Variants in TENM2 observed in about 807,000 individuals in gnomAD.
TENM2 encodes the protein teneurin-2.
Under a neutral mutation model 245.2 loss-of-function variants are expected in TENM2, and 52 were observed. The observed-to-expected ratio is 0.21, with a 90% CI of 0.17 to 0.27. TENM2 has a LOEUF of 0.27. TENM2 is among the 10% of genes least tolerant of loss of function. The pLI, the probability that TENM2 is intolerant of heterozygous loss-of-function variation, is 1.00. For missense variants in TENM2, 3,046 were observed against 3,666.8 expected (o/e 0.83, Z 4.37); for synonymous variants, 1,363 against 1,438.9 (o/e 0.95, Z 1.19).
At chr5:167,210,618 C>T in the TENM2 span, among the ~76,000 whole-genome samples, 6 of 151,616 alleles carry the variant, frequency 4.0e-5, no homozygotes, top group African/African-American at 1.5e-4. Context: ...CGCCCGCCAC[C>T]GCGCCCGGCT....
intron 2 of TENM2, among the ~76,000 whole-genome samples, chr5:167,828,435 T>C (rs1210072669): frequency 6.6e-6 from 1 of 152,214 alleles, no homozygotes; most frequent in Non-Finnish European, 1.5e-5. Flanking sequence ...TGTGTATTTT[T>C]AGTTATAATT....
At chr5:167,956,008 A>G (rs1780527092) in intron 4 of TENM2, among the ~76,000 whole-genome samples, 1 of 152,180 alleles carries the variant, frequency 6.6e-6, no homozygotes, top group South Asian at 2.1e-4. Flanking sequence ...TTCTGTGAAG[A>G]AAGTCAATGG....
At chr5:168,056,282 CTTTTT>C (rs962481700) in intron 6 of TENM2, among the ~76,000 whole-genome samples, 3 of 152,188 alleles carry the variant, frequency 2.0e-5, no homozygotes, top group African/African-American at 7.2e-5. Flanking sequence ...AACACCTTTT[CTTTTT>C]ATCTCTTTGG....
At chr5:167,252,899 C>T in the TENM2 span, among the ~76,000 whole-genome samples, 3 of 152,090 alleles carry the variant, frequency 2.0e-5, no homozygotes, top group African/African-American at 7.2e-5. Flanking sequence ...CAGCTGGATG[C>T]TTGACTCTGG....
intron 2 of TENM2, among the ~76,000 whole-genome samples, chr5:167,842,910 A>C (rs1468208021): frequency 6.6e-6 from 1 of 152,170 alleles, no homozygotes; most frequent in African/African-American, 2.4e-5. Context: ...TTAGAATTCA[A>C]CTGAAGGCTT....
the TENM2 span, among the ~76,000 whole-genome samples, chr5:167,050,493 C>A: frequency 6.6e-6 from 1 of 152,152 alleles, no homozygotes; most frequent in Non-Finnish European, 1.5e-5. Context: ...AGGCACTATG[C>A]CTTGAACAAC....
intron 12 of TENM2, among the ~76,000 whole-genome samples, chr5:168,137,045 G>T (rs975006767): frequency 3.3e-5 from 5 of 152,134 alleles, no homozygotes; most frequent in African/African-American, 1.2e-4. Context: ...ATTTAATCAT[G>T]CATGAGACCC....
chr5:167,327,177 C>T (rs192227308), intron 1 of TENM2, among the ~76,000 whole-genome samples: 3 of 152,100 alleles, frequency 2.0e-5, no homozygotes, highest in Non-Finnish European at 2.9e-5. Context: ...CCTCCCCGCT[C>T]CCCGCATCCC....
intron 23 of TENM2, among the ~76,000 whole-genome samples, chr5:168,223,522 C>A (rs1763860263): frequency 7.0e-6 from 1 of 143,344 alleles, no homozygotes; most frequent in Non-Finnish European, 1.5e-5. Flanking sequence ...GGCTGAAGTG[C>A]AGTGGCACAA....
At chr5:167,683,117 T>C (rs992632217) in intron 2 of TENM2, among the ~76,000 whole-genome samples, 11 of 152,336 alleles carry the variant, frequency 7.2e-5, no homozygotes, top group Non-Finnish European at 1.3e-4. Context: ...CCTGCACTAA[T>C]GGATAATAAT....
chr5:167,707,903 G>A (rs1292038460), intron 2 of TENM2, among the ~76,000 whole-genome samples: 2 of 152,194 alleles, frequency 1.3e-5, no homozygotes, highest in East Asian at 3.9e-4. Flanking sequence ...ATGGTGGCCA[G>A]AGGCATGTCA....
At chr5:167,171,410 A>T in the TENM2 span, among the ~76,000 whole-genome samples, 2 of 152,144 alleles carry the variant, frequency 1.3e-5, no homozygotes, top group Admixed American at 1.3e-4. Flanking sequence ...AATTACTTTT[A>T]TCAGGCAGGG....
At chr5:167,171,341 T>C in the TENM2 span, among the ~76,000 whole-genome samples, 1 of 152,206 alleles carries the variant, frequency 6.6e-6, no homozygotes, top group Non-Finnish European at 1.5e-5. Context: ...GTGAAGTCCT[T>C]CCTGACCTGC....
chr5:167,201,475 T>A, the TENM2 span, among the ~76,000 whole-genome samples: 1 of 152,058 alleles, frequency 6.6e-6, no homozygotes, highest in African/African-American at 2.4e-5. Flanking sequence ...TGGAGGAAAA[T>A]CACAGATCTT....
chr5:167,782,873 T>G (rs1198006890), intron 2 of TENM2, among the ~76,000 whole-genome samples: 2 of 152,172 alleles, frequency 1.3e-5, no homozygotes, highest in Non-Finnish European at 2.9e-5. Context: ...CAGGCAGCTG[T>G]CAGACTCCAT....
intron 2 of TENM2, among the ~76,000 whole-genome samples, chr5:167,618,139 T>G (rs1230819645): frequency 6.6e-6 from 1 of 152,144 alleles, no homozygotes; most frequent in Non-Finnish European, 1.5e-5. Flanking sequence ...ATGGTGATAA[T>G]AATGGTTATC....
At chr5:167,204,890 A>G in the TENM2 span, among the ~76,000 whole-genome samples, 1 of 152,220 alleles carries the variant, frequency 6.6e-6, no homozygotes, top group Admixed American at 6.5e-5. Flanking sequence ...TGCCCATCAA[A>G]GAGACTGGGT....
At chr5:167,286,570 C>T (rs1771365067) in intron 1 of TENM2, among the ~76,000 whole-genome samples, 1 of 152,146 alleles carries the variant, frequency 6.6e-6, no homozygotes, top group Non-Finnish European at 1.5e-5. Flanking sequence ...TGCACTAACA[C>T]GAGACTCAGA....
intron 2 of TENM2, among the ~76,000 whole-genome samples, chr5:167,530,460 G>T (rs915272406): frequency 2.0e-5 from 3 of 152,140 alleles, no homozygotes; most frequent in Non-Finnish European, 2.9e-5. Flanking sequence ...TTTAATCCTT[G>T]AGAAACTATG....
Sources: allele counts gnomAD v4.1 joint callset (sites outside exome capture counted in the v4.1 genomes callset), GRCh38; gene constraint gnomAD v4.1.1; transcripts MANE v1.5; gene names NCBI Gene and HGNC (gene_info 2026-07-23, HGNC 2026-07-21).